The following GOLPH3 variants were observed in gnomAD, a reference collection of about 807,000 sequenced individuals.
GOLPH3 encodes golgi phosphoprotein 3, also known as coat protein GPP34.
A neutral mutation model predicts 28.5 loss-of-function variants in GOLPH3; 14 were observed. That is an observed-to-expected ratio of 0.49 (90% CI 0.32 to 0.77). The LOEUF is 0.77. GOLPH3 is among the 30% of genes least tolerant of loss of function. The pLI is 0.03. For missense variants in GOLPH3, 350 were observed against 393.7 expected (o/e 0.89, Z 0.94); for synonymous variants, 158 against 159.2 (o/e 0.99, Z 0.06).
chr5:32,150,729 A>G (rs1408276803), intron 1 of GOLPH3, among the ~76,000 whole-genome samples: 1 of 152,160 alleles, frequency 6.6e-6, no homozygotes, highest in African/African-American at 2.4e-5. Context: ...AAAATCTGAA[A>G]TCCAAAATGC....
At chr5:32,133,006 A>C (rs1404682853) in intron 3 of GOLPH3, among the ~76,000 whole-genome samples, 1 of 152,250 alleles carries the variant, frequency 6.6e-6, no homozygotes, top group East Asian at 1.9e-4. Context: ...CAAGTGCTAC[A>C]GGCAATGTTC....
intron 1 of GOLPH3, among the ~76,000 whole-genome samples, chr5:32,160,548 G>A (rs1043371637): frequency 6.6e-6 from 1 of 152,128 alleles, no homozygotes; most frequent in Non-Finnish European, 1.5e-5. Flanking sequence ...TAAATAAAAT[G>A]GTGTCCCCTC....
chr5:32,162,714 G>GAACCAT, intron 1 of GOLPH3, among the ~76,000 whole-genome samples: 1 of 152,228 alleles, frequency 6.6e-6, no homozygotes, highest in South Asian at 2.1e-4. Context: ...AGCACCATGT[G>GAACCAT]GTTTTCAAAG....
At chr5:32,165,784 G>A (rs775274475) in intron 1 of GOLPH3, among the ~76,000 whole-genome samples, 1 of 152,172 alleles carries the variant, frequency 6.6e-6, no homozygotes, top group South Asian at 2.1e-4. Context: ...TAGAATCCTA[G>A]ATGTGTGGTA....
chr5:32,133,647 C>T (rs1300750711), intron 3 of GOLPH3, among the ~76,000 whole-genome samples: 1 of 152,206 alleles, frequency 6.6e-6, no homozygotes, highest in Non-Finnish European at 1.5e-5. Context: ...CATTAATGCC[C>T]TGAGTCTCTG....
intron 1 of GOLPH3, among the ~76,000 whole-genome samples, chr5:32,168,252 TAG>T (rs970051127): frequency 7.2e-5 from 11 of 152,230 alleles, no homozygotes; most frequent in Admixed American, 3.3e-4. Flanking sequence ...ACCACACGTA[TAG>T]AAAGGAAAAC....
intron 1 of GOLPH3, among the ~76,000 whole-genome samples, chr5:32,157,483 C>T (rs960467363): frequency 1.3e-5 from 2 of 152,186 alleles, no homozygotes; most frequent in Non-Finnish European, 2.9e-5. Flanking sequence ...CGCCAGAGTA[C>T]ACTACCTTCA....
intron 1 of GOLPH3, among the ~76,000 whole-genome samples, chr5:32,156,042 G>A (rs1413062371): frequency 2.1e-5 from 3 of 145,472 alleles, no homozygotes; most frequent in Non-Finnish European, 1.5e-5. Context: ...AGTCATGAAG[G>A]CAGAAGCCTC....
chr5:32,136,134 C>T (rs1051977373), intron 2 of GOLPH3, among the ~76,000 whole-genome samples: 4 of 151,850 alleles, frequency 2.6e-5, no homozygotes, highest in African/African-American at 4.8e-5. Context: ...AAGATCACGC[C>T]GCTGCACTCC....
chr5:32,168,259 G>A (rs756972957), intron 1 of GOLPH3, among the ~76,000 whole-genome samples: 4 of 152,118 alleles, frequency 2.6e-5, no homozygotes, highest in Non-Finnish European at 4.4e-5. Context: ...GTATAGAAAG[G>A]AAAACAATTT....
chr5:32,132,271 A>C (rs1745840533), intron 3 of GOLPH3, among the ~76,000 whole-genome samples: 1 of 152,220 alleles, frequency 6.6e-6, no homozygotes. Context: ...ACATGTATAC[A>C]TGTACAGTAT....
intron 3 of GOLPH3, among the ~76,000 whole-genome samples, chr5:32,131,300 T>C (rs1197939074): frequency 6.6e-6 from 1 of 152,226 alleles, no homozygotes; most frequent in African/African-American, 2.4e-5. Flanking sequence ...TCAAAGTATC[T>C]TGGTATTCTG....
intron 1 of GOLPH3, among the ~76,000 whole-genome samples, chr5:32,159,316 T>C (rs973295408): frequency 6.6e-6 from 1 of 152,250 alleles, no homozygotes; most frequent in Non-Finnish European, 1.5e-5. Context: ...ATATACCTTA[T>C]ACACATAGCC....
chr5:32,146,162 C>A (rs1425861433), intron 1 of GOLPH3, among the ~76,000 whole-genome samples: 1 of 151,834 alleles, frequency 6.6e-6, no homozygotes. Flanking sequence ...TGGTGGCACC[C>A]GTCTGTGGTC....
intron 3 of GOLPH3, among the ~76,000 whole-genome samples, chr5:32,129,847 CT>C (rs551296288): frequency 3.8e-3 from 554 of 145,642 alleles, no homozygotes; most frequent in Middle Eastern, 7.0e-3. Context: ...AACTTCCACC[CT>C]TTTTTTTTTT....
At position 32,171,346 on chromosome 5, in the gene GOLPH3, C is replaced by T. The variant is rs139457188; in HGVS notation, c.225+2464G>A. 3.7e-3 allele frequency among the ~76,000 whole-genome samples: 561 copies of T among 152,026 alleles called. 2 individuals are homozygous for T. Among genetic ancestry groups the T allele is most frequent in the African/African-American group, 0.013 (527 of 41,492 alleles). On this transcript the variant is annotated intron_variant, in intron 1 of 3. Transcript: ENST00000265070. Reference sequence around the variant, plus strand: ...GAAAATTTACCAATTTATGTTGGGCCGCATTTAAAGCCATCCTGGGCCACA... The same window carrying T: ...GAAAATTTACCAATTTATGTTGGGCTGCATTTAAAGCCATCCTGGGCCACA...
chr5:32,135,193 G>C (rs1224691558), intron 3 of GOLPH3, among the ~76,000 whole-genome samples: 1 of 152,204 alleles, frequency 6.6e-6, no homozygotes, highest in African/African-American at 2.4e-5. Context: ...GGCTGCCAGA[G>C]TGAGGATGAG....
At chr5:32,134,187 C>G (rs1238094445) in intron 3 of GOLPH3, among the ~76,000 whole-genome samples, 5 of 152,028 alleles carry the variant, frequency 3.3e-5, no homozygotes, top group African/African-American at 1.2e-4. Flanking sequence ...CTGAGCAACA[C>G]AGCAAGGTCC....
intron 2 of GOLPH3, among the ~76,000 whole-genome samples, chr5:32,137,108 T>C (rs1045917036): frequency 1.3e-5 from 2 of 151,768 alleles, no homozygotes; most frequent in African/African-American, 4.8e-5. Context: ...AACAGGTGTG[T>C]GCCACCACGC....
Sources: allele counts gnomAD v4.1 joint callset (sites outside exome capture counted in the v4.1 genomes callset), GRCh38; gene constraint gnomAD v4.1.1; transcripts MANE v1.5; gene names NCBI Gene and HGNC (gene_info 2026-07-23, HGNC 2026-07-21).